AMY2B: variants seen among roughly 807,000 people sequenced by gnomAD.
AMY2B encodes the protein alpha-amylase 2B.
AMY2B carries 63 observed loss-of-function variants against 59.3 expected under a neutral mutation model. The ratio of observed to expected loss-of-function variants is 1.06; its 90% CI spans 0.87 to 1.31. AMY2B has a LOEUF of 1.31. Among genes scored for constraint, AMY2B ranks in the 50% most tolerant of loss-of-function variants. The pLI is 0.00. For missense variants in AMY2B, 635 were observed against 626.7 expected, an observed-to-expected ratio of 1.01 and a Z score of -0.14; for synonymous variants, 180 against 198.1, an observed-to-expected ratio of 0.91 and a Z score of 0.77.
intron 1 of AMY2B, 31 bp downstream of exon 1, chr1:103,571,801 A>T (rs1282209189): frequency 1.1e-5 from 17 of 1,611,978 alleles, no homozygotes; most frequent in Non-Finnish European, 1.4e-5. Flanking sequence ...CAATTGCAGA[A>T]TTCACTATGC....
At position 103,564,270 on chromosome 1, in the gene AMY2B, C is replaced by G. The variant is rs191242144; in HGVS notation, c.-206-1165C>G. Among the ~76,000 whole-genome samples, 138 of 152,186 alleles carry G rather than the reference C, an allele frequency of 9.1e-4. 1 individual carries two copies. Among genetic ancestry groups the G allele is most frequent in the Admixed American group, 5.3e-3 (81 of 15,270 alleles). ...GGAAAAGTCAGGATTTATAGTTTGT[C>G]TTAACTCCTAATAATTGCGTTTTCA... On this transcript the variant is annotated intron_variant, in intron 1 of 11. Transcript: ENST00000361355.
At chr1:103,570,590 A>G (rs910133099), upstream of AMY2B, 3 of 593,856 alleles carry the variant, frequency 5.1e-6, no homozygotes, top group Non-Finnish European at 9.9e-6. Flanking sequence ...TCCTGGCCTC[A>G]CTGTCAGCCT....
upstream of AMY2B, chr1:103,571,458 G>A: frequency 6.8e-7 from 1 of 1,481,256 alleles, no homozygotes; most frequent in African/African-American, 1.4e-5. Flanking sequence ...TCTCCTGTTA[G>A]GATTATTATT....
intron 1 of AMY2B, among the ~76,000 whole-genome samples, chr1:103,555,671 AC>A (rs1651524837): frequency 6.6e-6 from 1 of 152,146 alleles, no homozygotes; most frequent in East Asian, 1.9e-4. Context: ...CTTGACGTTG[AC>A]AAACTTGGTG....
intron 7 of AMY2B, 71 bp from the exon 8 acceptor site, chr1:103,577,419 G>A: frequency 6.2e-7 from 1 of 1,610,060 alleles, no homozygotes; most frequent in Non-Finnish European, 8.5e-7. Flanking sequence ...GATAGGTTGG[G>A]TTTGGTTTAA....
intron 1 of AMY2B, among the ~76,000 whole-genome samples, chr1:103,562,778 A>T (rs967803771): frequency 6.6e-6 from 1 of 151,836 alleles, no homozygotes; most frequent in African/African-American, 2.4e-5. Context: ...GAACTTGTAA[A>T]TAACTGATAG....
intron 1 of AMY2B, 58 bp downstream of exon 1, chr1:103,571,828 T>A (rs1030777513): frequency 1.2e-6 from 2 of 1,611,722 alleles, no homozygotes; most frequent in African/African-American, 2.7e-5. Context: ...TAAATAGTAT[T>A]CTGATCTTAT....
At chr1:103,568,926 A>G (rs937025954), upstream of AMY2B, 2 of 152,084 alleles carry the variant, frequency 1.3e-5, no homozygotes, top group African/African-American at 4.8e-5. Context: ...AAAAGATTCA[A>G]TCCACTCACA....
At chr1:103,575,088 T>A in intron 5 of AMY2B, 135 bp from the exon 6 acceptor site, 1 of 1,087,332 alleles carries the variant, frequency 9.2e-7, no homozygotes, top group South Asian at 1.7e-5. Flanking sequence ...ATATATATCT[T>A]ACAGAATAAC....
chr1:103,574,144 A>G, intron 4 of AMY2B, 116 bp from the exon 5 acceptor site: 1 of 1,492,406 alleles, frequency 6.7e-7, no homozygotes, highest in Non-Finnish European at 9.0e-7. Flanking sequence ...TAAATAGCTT[A>G]ATTTATTAAT....
At chr1:103,557,824 G>T (rs1408470035) in intron 1 of AMY2B, among the ~76,000 whole-genome samples, 2 of 152,066 alleles carry the variant, frequency 1.3e-5, no homozygotes, top group East Asian at 1.9e-4. Context: ...TCCATTATAT[G>T]TTATTTATGG....
At chr1:103,569,396 T>TTGTGTGTGTG (rs58457409), upstream of AMY2B, 265 of 151,086 alleles carry the variant, frequency 1.8e-3, 2 homozygotes, top group Admixed American at 5.7e-3. Flanking sequence ...TTATGTGGGT[T>TTGTGTGTGTG]TGTGTGTGTG....
At chr1:103,561,274 TTG>T (rs1651725348) in intron 1 of AMY2B, among the ~76,000 whole-genome samples, 1 of 152,126 alleles carries the variant, frequency 6.6e-6, no homozygotes, top group Admixed American at 6.5e-5. Context: ...TTTTGGTTTT[TTG>T]TTTGTTTTGA....
intron 3 of AMY2B, among the ~76,000 whole-genome samples, 187 bp downstream of exon 3, chr1:103,573,447 A>G (rs1246459251): frequency 6.6e-6 from 1 of 152,178 alleles, no homozygotes; most frequent in Non-Finnish European, 1.5e-5. Context: ...AAGATTTTTA[A>G]TCAATACACA....
At chr1:103,555,863 C>G (rs1238256794) in intron 1 of AMY2B, among the ~76,000 whole-genome samples, 1 of 152,144 alleles carries the variant, frequency 6.6e-6, no homozygotes, top group African/African-American at 2.4e-5. Context: ...GTATGCTAAT[C>G]AGACTGATTC....
chr1:103,561,745 CAGAA>C (rs1395736476), intron 1 of AMY2B: 1 of 151,748 alleles, frequency 6.6e-6, no homozygotes, highest in African/African-American at 2.4e-5. Context: ...GGAAGGAAGA[CAGAA>C]AGCAGACGAG....
rs12128421 is a variant in AMY2B, at chr1:103,571,693, C to A, written c.91C>A (p.Leu31Met). 5 of 1,611,800 alleles carry A rather than the reference C, an allele frequency of 3.1e-6. No individual in the cohort carries two copies. The highest frequency in any genetic ancestry group is 1.3e-5 in the African/African-American group (1 of 74,826). The change falls in exon 1 of 10, where the codon CTG (leucine) becomes ATG (methionine). Residue 31 changes from leucine (L) to methionine (M), a missense_variant. Coordinates refer to ENST00000684275, the MANE Select transcript of AMY2B (RefSeq NM_001387437.1). ...TQQGRTSIVH[L>M]FEWRWVDIAL... The stretch of plus-strand genomic sequence containing the variant: ...ACAAGGACGGACATCTATTGTTCAT[C>A]TGTTTGAATGGCGATGGGTTGATAT...
At chr1:103,559,169 G>C (rs1359554660) in intron 1 of AMY2B, among the ~76,000 whole-genome samples, 1 of 152,130 alleles carries the variant, frequency 6.6e-6, no homozygotes, top group Non-Finnish European at 1.5e-5. Flanking sequence ...CTTTTGCATG[G>C]TGAATACAGT....
Position 103,575,430 on chromosome 1 carries a change from G to C in AMY2B, c.1002-11G>C. On this transcript the variant is annotated splice_polypyrimidine_tract_variant and intron_variant, in intron 6 of 9. Coordinates refer to ENST00000684275, the MANE Select transcript of AMY2B (RefSeq NM_001387437.1). ...TGATATTCTGTGATAATATAATTAT[G>C]TAACTTTCAGGCTGTATAAAATGGC... The C allele has an allele frequency of 6.2e-7, 1 of 1,613,244 alleles. No homozygotes were observed. Among genetic ancestry groups the C allele is most frequent in the Non-Finnish European group, 8.5e-7 (1 of 1,179,626 alleles).
Sources: allele counts gnomAD v4.1 joint callset (sites outside exome capture counted in the v4.1 genomes callset), GRCh38; gene constraint gnomAD v4.1.1; transcripts MANE v1.5; gene names NCBI Gene and HGNC (gene_info 2026-07-23, HGNC 2026-07-21).